AKAP8L: variants seen among roughly 807,000 people sequenced by gnomAD.
The protein encoded by AKAP8L is A-kinase anchoring protein 8 like.
AKAP8L carries 34 observed loss-of-function variants against 77.5 expected under a neutral mutation model. That is an observed-to-expected ratio of 0.44 (90% CI 0.33 to 0.58). AKAP8L has a LOEUF of 0.58. Ranked by LOEUF, AKAP8L falls within the 20% of genes least tolerant of loss-of-function variation. AKAP8L has a pLI of 0.02. For missense variants in AKAP8L, 806 were observed against 887.6 expected, an observed-to-expected ratio of 0.91 and a Z score of 1.17; for synonymous variants, 342 against 340.7, an observed-to-expected ratio of 1.00 and a Z score of -0.04.
At position 15,399,612 on chromosome 19, in the gene AKAP8L, G is replaced by T. The variant is rs916289594; in HGVS notation, c.1049-202C>A. On this transcript the variant is annotated intron_variant, in intron 8 of 13. Transcript: ENST00000397410. This position sits in a 1 kb window ranked among gnomAD's most constrained non-coding sequence, Gnocchi z 6.1. ...TTGGCCTAGGCCCCAAGGAGTGGGGGCCAGGCGATGACCCCTCCACTCTCC... is the reference window on the plus strand; with the variant it reads ...TTGGCCTAGGCCCCAAGGAGTGGGGTCCAGGCGATGACCCCTCCACTCTCC... 8 of 589,014 alleles carry T rather than the reference G, an allele frequency of 1.4e-5. No homozygotes were observed. Among genetic ancestry groups the T allele is most frequent in the African/African-American group, 1.3e-4 (7 of 53,644 alleles). The allele number at this position is 589,014 out of a possible 1,614,324, so 36.5% of individuals were successfully genotyped here.
Position 15,410,583 on chromosome 19 carries a change from C to T in AKAP8L, c.25G>A (p.Gly9Arg), listed in dbSNP as rs1409124245. Residue 9 changes from glycine (G) to arginine (R), a missense_variant, in exon 2 of 14, where the codon GGA (glycine) becomes AGA (arginine). This residue lies in a region of AKAP8L where 580 missense variants were observed against 694.1 expected (regional missense o/e 0.84). Transcript: ENST00000397410. ...GTCGACTGCAAAGTGGTTTCAGATC[C>T]CTGGACAAAGCCTAAACATAAAGAC... MSYTGFVQ[G>R]SETTLQSTYS... is the part of the protein sequence containing the mutation. The T allele has an allele frequency of 6.3e-7, 1 of 1,592,234 alleles. No individual in the cohort carries two copies. Among genetic ancestry groups the T allele is most frequent in the East Asian group, 2.3e-5 (1 of 44,130 alleles).
At chr19:15,400,037 C>T in intron 8 of AKAP8L, 1 of 561,438 alleles carries the variant, frequency 1.8e-6, no homozygotes, top group Non-Finnish European at 3.2e-6. Flanking sequence ...CTTTTACTAG[C>T]TGCCCCCATC....
intron 12 of AKAP8L, chr19:15,383,337 G>A (rs1224202105): frequency 6.6e-6 from 1 of 152,160 alleles, no homozygotes. Flanking sequence ...AGCCTCTTGA[G>A]TAGCTGGGAC....
At chr19:15,414,165 A>T (rs1385462611) in intron 1 of AKAP8L, among the ~76,000 whole-genome samples, 3 of 150,846 alleles carry the variant, frequency 2.0e-5, no homozygotes, top group Non-Finnish European at 4.4e-5. Context: ...CCCAGGCTCA[A>T]GCGATTCTCC....
At chr19:15,386,740 C>T (rs1179057163) in intron 12 of AKAP8L, among the ~76,000 whole-genome samples, 1 of 152,170 alleles carries the variant, frequency 6.6e-6, no homozygotes, top group East Asian at 1.9e-4. Flanking sequence ...CTCACTGCAA[C>T]CTCTACTTCC....
At chr19:15,412,679 C>A (rs1199881245) in intron 1 of AKAP8L, among the ~76,000 whole-genome samples, 1 of 152,118 alleles carries the variant, frequency 6.6e-6, no homozygotes, top group Admixed American at 6.6e-5. Flanking sequence ...GTAGCTGGGA[C>A]TACAGGCGCG....
chr19:15,380,242 GGGCGGCGGC>G lies in AKAP8L; in HGVS notation c.1812_1820del (p.Pro606_Pro608del), dbSNP rs1287183602. On this transcript the variant is annotated inframe_deletion, in exon 14 of 14. Coordinates refer to ENST00000397410, the MANE Select transcript of AKAP8L (RefSeq NM_014371.4). ...CGGCGCCCTCCTCCTCCTCCTCTGG[GGGCGGCGGC>G]GGTGGCGGCGACACGGCCCCGGGGG... 2 of 1,500,020 alleles carry G rather than the reference GGGCGGCGGC, an allele frequency of 1.3e-6. No individual in the cohort carries two copies. Among genetic ancestry groups the G allele is most frequent in the Non-Finnish European group, 1.8e-6 (2 of 1,134,722 alleles). The allele number at this position is 1,500,020 out of a possible 1,614,324, so 92.9% of individuals were successfully genotyped here. A position where few individuals can be genotyped will look rare whatever the true frequency, so the allele number is the denominator to read the frequency against.
chr19:15,401,055 G>T lies in AKAP8L; in HGVS notation c.817-12C>A, dbSNP rs200218882. 61 of 1,611,170 alleles carry T rather than the reference G, an allele frequency of 3.8e-5. No individual in the cohort carries two copies. The highest frequency in any genetic ancestry group is 2.2e-4 in the East Asian group (10 of 44,858). On this transcript the variant is annotated splice_polypyrimidine_tract_variant and intron_variant, in intron 5 of 13. Coordinates refer to ENST00000397410, the MANE Select transcript of AKAP8L (RefSeq NM_014371.4). The surrounding 1 kb of genome is among the most constrained non-coding windows in gnomAD (Gnocchi z 6.2). ...TTCTTCTTCTTGGTCTGGGTCATAA[G>T]GGGGGGAAGCCGTGTCAGGGTGCAT... is the stretch of plus-strand genomic sequence containing the variant.
rs1325825933 is a variant in AKAP8L, at chr19:15,398,221, A to T, written c.1158-366T>A. 3.2e-6 allele frequency: 1 copy of T among 308,698 alleles called. No individual in the cohort carries two copies. Among genetic ancestry groups the T allele is most frequent in the Non-Finnish European group, 6.2e-6 (1 of 160,778 alleles). The allele number at this position is 308,698 out of a possible 1,614,324, so 19.1% of individuals were successfully genotyped here. ...TTGGCCCAGGTGGGGACCGGAAGGAAGGATGCCCTGGCGTGAGCCAGGTGG... is the reference window on the plus strand; with the variant it reads ...TTGGCCCAGGTGGGGACCGGAAGGATGGATGCCCTGGCGTGAGCCAGGTGG... On this transcript the variant is annotated intron_variant, in intron 9 of 13. Coordinates refer to ENST00000397410, the MANE Select transcript of AKAP8L (RefSeq NM_014371.4). This position sits in a 1 kb window ranked among gnomAD's most constrained non-coding sequence, Gnocchi z 9.2.
intron 12 of AKAP8L, among the ~76,000 whole-genome samples, chr19:15,389,181 C>T (rs1278197925): frequency 3.4e-5 from 5 of 146,998 alleles, no homozygotes; most frequent in African/African-American, 5.1e-5. Context: ...GCAGAGATGG[C>T]GCCACTGCAC....
At chr19:15,407,643 C>A (rs1344375544) in intron 2 of AKAP8L, among the ~76,000 whole-genome samples, 1 of 152,162 alleles carries the variant, frequency 6.6e-6, no homozygotes, top group Non-Finnish European at 1.5e-5. Context: ...TTTAAAAGTA[C>A]CATTTCCTAT....
chr19:15,408,475 A>C (rs1482715864), intron 2 of AKAP8L, among the ~76,000 whole-genome samples: 2 of 151,560 alleles, frequency 1.3e-5, no homozygotes, highest in Non-Finnish European at 2.9e-5. Flanking sequence ...AGGCACAAGA[A>C]TAGCTTGAAT....
chr19:15,400,820 C>T lies in AKAP8L; in HGVS notation c.958G>A (p.Glu320Lys), dbSNP rs566997643. 4.3e-6 allele frequency: 7 copies of T among 1,614,010 alleles called. No homozygotes were observed. Among genetic ancestry groups the T allele is most frequent in the African/African-American group, 1.3e-5 (1 of 75,048 alleles). The change falls in exon 7 of 14, where the codon GAG becomes AAG. Residue 320 changes from glutamate to lysine, a missense_variant. By Grantham distance (56) the Glu-to-Lys change is moderately conservative. Coordinates refer to ENST00000397410, the MANE Select transcript of AKAP8L (RefSeq NM_014371.4). ...ACTCTGGAGCCCTTCTCCACAGCCT[C>T]GGTGCCTTCAAGGCCCTCTGTGGCT... Reference protein sequence around the residue: ...GEATEGLEGTEAVEKGSRVDG... With the variant: ...GEATEGLEGTKAVEKGSRVDG...
chr19:15,387,852 G>C (rs914443045), intron 12 of AKAP8L, among the ~76,000 whole-genome samples: 3 of 152,048 alleles, frequency 2.0e-5, no homozygotes, highest in South Asian at 2.1e-4. Flanking sequence ...CCAGCTACTC[G>C]GGAGGCTGAG....
intron 12 of AKAP8L, among the ~76,000 whole-genome samples, chr19:15,384,957 G>A (rs1024373288): frequency 1.2e-4 from 18 of 151,134 alleles, no homozygotes; most frequent in Admixed American, 8.5e-4. Context: ...TGCGAGCTCC[G>A]CCTCCCAGGT....
chr19:15,397,458 C>T lies in AKAP8L; in HGVS notation c.1405+62G>A, dbSNP rs1967799539. The T allele has an allele frequency of 6.5e-7, 1 of 1,537,052 alleles. No individual in the cohort carries two copies. Among genetic ancestry groups the T allele is most frequent in the Admixed American group, 1.8e-5 (1 of 56,976 alleles). On this transcript the variant is annotated intron_variant, in intron 11 of 13. Coordinates refer to ENST00000397410, the MANE Select transcript of AKAP8L (RefSeq NM_014371.4). This position sits in a 1 kb window ranked among gnomAD's most constrained non-coding sequence, Gnocchi z 4.7. Reference sequence around the variant, plus strand: ...AACAGAAGGGTGTCCTGACCCTGCACCGAAAATCAGGAGTGCAGGCTGAGG... The same window carrying T: ...AACAGAAGGGTGTCCTGACCCTGCATCGAAAATCAGGAGTGCAGGCTGAGG...
At chr19:15,406,385 G>A (rs1967999810) in intron 2 of AKAP8L, among the ~76,000 whole-genome samples, 1 of 148,916 alleles carries the variant, frequency 6.7e-6, no homozygotes, top group Admixed American at 6.7e-5. Flanking sequence ...GAGAGAGAGA[G>A]AGAGAGAGAG....
chr19:15,395,451 G>A lies in AKAP8L; in HGVS notation c.1536+1699C>T, dbSNP rs549484205. On this transcript the variant is annotated intron_variant, in intron 12 of 13. Transcript: ENST00000397410. ...CTGCCTTGGCCTCCCGAGTAGCTGG[G>A]ATTACAGTGCCCGCCATCACGCCCA... 1.1e-4 allele frequency among the ~76,000 whole-genome samples: 16 copies of A among 151,742 alleles called. No homozygotes were observed. The South Asian group carries it at 3.3e-3, about 32-fold the overall frequency.
chr19:15,406,400 A>AGAGAGAGAGAGAGAGAGAGAGG (rs1183555648), intron 2 of AKAP8L, among the ~76,000 whole-genome samples: 1 of 146,400 alleles, frequency 6.8e-6, no homozygotes, highest in African/African-American at 2.5e-5. Flanking sequence ...AGAGAGAGAG[A>AGAGAGAGAGAGAGAGAGAGAGG]GAGATCCTTA....
Sources: allele counts gnomAD v4.1 joint callset (sites outside exome capture counted in the v4.1 genomes callset), GRCh38; gene constraint gnomAD v4.1.1; regional missense constraint gnomAD v4.1.1; non-coding constraint Gnocchi (gnomAD v3.1); transcripts MANE v1.5; gene names NCBI Gene and HGNC (gene_info 2026-07-23, HGNC 2026-07-21).